The following MCTP1 variants were observed in gnomAD, a reference collection of about 807,000 sequenced individuals.
MCTP1 encodes the protein multiple C2 and transmembrane domain-containing protein 1.
A neutral mutation model predicts 120.6 loss-of-function variants in MCTP1; 69 were observed. The observed-to-expected ratio is 0.57, with a 90% CI of 0.47 to 0.70. The LOEUF is 0.70. Ranked by LOEUF, MCTP1 falls within the 30% of genes least tolerant of loss-of-function variation. MCTP1 has a pLI of 0.00. For missense variants in MCTP1, 1,203 were observed against 1,248.8 expected (o/e 0.96, Z 0.55); for synonymous variants, 529 against 493.1 (o/e 1.07, Z -0.96).
At chr5:95,190,518 A>G (rs1334639727) in intron 1 of MCTP1, among the ~76,000 whole-genome samples, 1 of 151,984 alleles carries the variant, frequency 6.6e-6, no homozygotes, top group Non-Finnish European at 1.5e-5. Context: ...TTGATTTTTG[A>G]GGTTCCTCTC....
chr5:94,754,462 A>G (rs1468165452), intron 19 of MCTP1, among the ~76,000 whole-genome samples: 1 of 152,228 alleles, frequency 6.6e-6, no homozygotes, highest in Non-Finnish European at 1.5e-5. Context: ...TCAGAATGCT[A>G]AGCAATATTA....
chr5:95,075,228 C>T (rs1046897176), intron 1 of MCTP1, among the ~76,000 whole-genome samples: 2 of 152,174 alleles, frequency 1.3e-5, no homozygotes, highest in African/African-American at 4.8e-5. Flanking sequence ...TTCTCTAATC[C>T]TCACAAACTT....
intron 1 of MCTP1, among the ~76,000 whole-genome samples, chr5:95,186,870 C>T (rs531514829): frequency 2.0e-5 from 3 of 152,194 alleles, no homozygotes; most frequent in African/African-American, 7.2e-5. Flanking sequence ...CAGAAACAGA[C>T]CCACAAAATA....
intron 2 of MCTP1, chr5:94,979,689 T>G (rs967766917): frequency 6.6e-6 from 1 of 151,948 alleles, no homozygotes; most frequent in Non-Finnish European, 1.5e-5. Context: ...CCACAGGCTT[T>G]GAGGACCAAA....
intron 19 of MCTP1, among the ~76,000 whole-genome samples, chr5:94,766,808 AC>A (rs1344865180): frequency 6.6e-6 from 1 of 152,196 alleles, no homozygotes; most frequent in Non-Finnish European, 1.5e-5. Flanking sequence ...ATGTCTCCAA[AC>A]AAAGAAGACC....
At position 94,716,045 on chromosome 5, in the gene MCTP1, G is replaced by A. The variant is rs895958722; in HGVS notation, c.2611-1159C>T. On this transcript the variant is annotated intron_variant, in intron 19 of 22. Coordinates refer to ENST00000515393, the MANE Select transcript of MCTP1 (RefSeq NM_024717.7). Reference sequence around the variant, plus strand: ...AACACTTGGCCAGGGCTGGCCTCCCGCCACCTCAGAAACTGCGGGCAAGTG... The same window carrying A: ...AACACTTGGCCAGGGCTGGCCTCCCACCACCTCAGAAACTGCGGGCAAGTG... Among the ~76,000 whole-genome samples the A allele has an allele frequency of 5.9e-5, 9 of 152,174 alleles. 1 individual carries two copies. The highest frequency in any genetic ancestry group is 1.2e-4 in the Non-Finnish European group (8 of 68,030).
At chr5:94,949,321 ACT>A (rs1231182916) in intron 3 of MCTP1, among the ~76,000 whole-genome samples, 3 of 152,032 alleles carry the variant, frequency 2.0e-5, no homozygotes, top group Admixed American at 1.3e-4. Flanking sequence ...CTGGAGCATC[ACT>A]CTGAATACAG....
At chr5:94,999,386 C>A (rs1833213398) in intron 2 of MCTP1, among the ~76,000 whole-genome samples, 1 of 152,048 alleles carries the variant, frequency 6.6e-6, no homozygotes, top group African/African-American at 2.4e-5. Context: ...TTAATAGATG[C>A]TAAATTAAAT....
chr5:94,997,821 A>C (rs999619861), intron 2 of MCTP1, among the ~76,000 whole-genome samples: 2 of 152,214 alleles, frequency 1.3e-5, no homozygotes, highest in African/African-American at 4.8e-5. Context: ...TACAAGGGTA[A>C]AATCAATGCA....
intron 10 of MCTP1, among the ~76,000 whole-genome samples, chr5:94,901,341 G>T (rs774009488): frequency 2.0e-5 from 3 of 152,006 alleles, no homozygotes; most frequent in Non-Finnish European, 2.9e-5. Flanking sequence ...TTCCACCCGG[G>T]TCCCTCCCAC....
At position 94,714,887 on chromosome 5, in the gene MCTP1, C is replaced by T; in HGVS notation, c.2611-1G>A. 6.4e-7 allele frequency: 1 copy of T among 1,569,450 alleles called. No homozygotes were observed. Among genetic ancestry groups the T allele is most frequent in the Non-Finnish European group, 8.8e-7 (1 of 1,140,876 alleles). ...TTATAAATCCCTTTTTTTCACTGTCCTAAAATGCAATAAAAAAGAAATTCT... is the reference window on the plus strand; with the variant it reads ...TTATAAATCCCTTTTTTTCACTGTCTTAAAATGCAATAAAAAAGAAATTCT... On this transcript the variant is annotated splice_acceptor_variant, in intron 19 of 22. Transcript: ENST00000515393. LOFTEE classifies it high-confidence loss of function.
intron 1 of MCTP1, among the ~76,000 whole-genome samples, chr5:95,248,374 C>T (rs1757034296): frequency 6.6e-6 from 1 of 151,978 alleles, no homozygotes; most frequent in Non-Finnish European, 1.5e-5. Context: ...TCCTATACAC[C>T]AATAATAGAC....
chr5:95,210,191 C>T (rs1014700177), intron 1 of MCTP1, among the ~76,000 whole-genome samples: 2 of 152,120 alleles, frequency 1.3e-5, no homozygotes, highest in East Asian at 1.9e-4. Context: ...TCTATTAGGT[C>T]CACTTGGTGC....
At chr5:94,713,879 C>T (rs984879410) in intron 20 of MCTP1, among the ~76,000 whole-genome samples, 1 of 152,028 alleles carries the variant, frequency 6.6e-6, no homozygotes, top group East Asian at 1.9e-4. Context: ...TCTATGTATG[C>T]CCAAGGATTC....
intron 17 of MCTP1, among the ~76,000 whole-genome samples, chr5:94,847,856 G>A (rs1792831014): frequency 6.6e-6 from 1 of 151,948 alleles, no homozygotes; most frequent in Non-Finnish European, 1.5e-5. Context: ...CTAAAACTAT[G>A]AGAACCAGTG....
chr5:94,775,762 C>T (rs1454598447), intron 19 of MCTP1, among the ~76,000 whole-genome samples: 4 of 151,840 alleles, frequency 2.6e-5, no homozygotes, highest in African/African-American at 9.7e-5. Context: ...TATTCTCTGC[C>T]TTTGTGAAAA....
chr5:94,767,391 CAT>C (rs1412654646), intron 19 of MCTP1, among the ~76,000 whole-genome samples: 1 of 152,088 alleles, frequency 6.6e-6, no homozygotes, highest in Non-Finnish European at 1.5e-5. Context: ...TCTTGTTCAA[CAT>C]AGTACTGAAA....
chr5:95,062,164 A>C (rs1376955492), intron 1 of MCTP1, among the ~76,000 whole-genome samples: 1 of 152,234 alleles, frequency 6.6e-6, no homozygotes, highest in Non-Finnish European at 1.5e-5. Context: ...CATAGTATTG[A>C]TTCAACACTA....
intron 1 of MCTP1, among the ~76,000 whole-genome samples, chr5:95,252,419 T>A (rs1032566790): frequency 1.3e-5 from 2 of 152,106 alleles, no homozygotes; most frequent in Non-Finnish European, 2.9e-5. Context: ...CATTCCTGGG[T>A]CACAGAACTC....
Sources: allele counts gnomAD v4.1 joint callset (sites outside exome capture counted in the v4.1 genomes callset), GRCh38; gene constraint gnomAD v4.1.1; transcripts MANE v1.5; gene names NCBI Gene and HGNC (gene_info 2026-07-23, HGNC 2026-07-21).